Variants in DNAAF5 observed in about 807,000 individuals in gnomAD.
DNAAF5 encodes the protein HEAT repeat containing 2.
Under a neutral mutation model 75.8 loss-of-function variants are expected in DNAAF5, and 64 were observed. The ratio of observed to expected loss-of-function variants is 0.84; its 90% CI spans 0.69 to 1.04. The LOEUF is 1.04. DNAAF5 is among the 50% of genes least tolerant of loss of function. The pLI, the probability that DNAAF5 is intolerant of heterozygous loss-of-function variation, is 0.00. For missense variants in DNAAF5, 1,269 were observed against 1,178.5 expected (o/e 1.08, Z -1.12); for synonymous variants, 657 against 557.2 (o/e 1.18, Z -2.52).
At position 729,829 on chromosome 7, in the gene DNAAF5, G is replaced by A. The variant is rs1781507598; in HGVS notation, c.762G>A (p.Leu254=). The A allele has an allele frequency of 6.2e-7, 1 of 1,614,200 alleles. No homozygotes were observed. The highest frequency in any genetic ancestry group is 8.5e-7 in the Non-Finnish European group (1 of 1,180,030). ...DDVLSHFAQR[L]FDDVPQVRRA... The stretch of plus-strand genomic sequence containing the variant: ...TGCTTTCCCATTTTGCTCAGCGACT[G>A]TTTGATGACGTCCCGCAGGTAACTG... The change falls in exon 2 of 13, where the codon CTG becomes CTA. Residue 254 remains leucine, a synonymous_variant. Transcript: ENST00000297440.
intron 11 of DNAAF5, among the ~76,000 whole-genome samples, chr7:779,525 C>G (rs1353446585): frequency 5.3e-5 from 8 of 152,226 alleles, no homozygotes; most frequent in Admixed American, 5.2e-4. Flanking sequence ...AGGGGGTTGT[C>G]TGTCACTGAG....
intron 12 of DNAAF5, among the ~76,000 whole-genome samples, chr7:784,478 A>G (rs1267234566): frequency 6.6e-6 from 1 of 152,114 alleles, no homozygotes; most frequent in Non-Finnish European, 1.5e-5. Context: ...AGAATCTGAT[A>G]GACTCCCCAG....
chr7:742,852 A>G (rs954603720), intron 4 of DNAAF5, among the ~76,000 whole-genome samples: 3 of 31,424 alleles, frequency 9.5e-5, no homozygotes, highest in African/African-American at 1.9e-4. Context: ...GCTCAAATCA[A>G]TCATGCCCAG....
At chr7:752,002 G>A (rs1244937462) in intron 4 of DNAAF5, among the ~76,000 whole-genome samples, 1 of 152,212 alleles carries the variant, frequency 6.6e-6, no homozygotes, top group African/African-American at 2.4e-5. Flanking sequence ...GGGGAGGAGT[G>A]AAGCTGAATG....
At chr7:764,000 C>T (rs376930252) in intron 8 of DNAAF5, 26 bp downstream of exon 8, 45 of 1,597,710 alleles carry the variant, frequency 2.8e-5, no homozygotes, top group Non-Finnish European at 3.6e-5. Context: ...AGCTGGCGTG[C>T]CGTGCCTGGC....
intron 4 of DNAAF5, among the ~76,000 whole-genome samples, chr7:752,594 A>G (rs76286785): frequency 7.2e-3 from 507 of 70,716 alleles, no homozygotes; most frequent in Middle Eastern, 0.029. Flanking sequence ...ACCGCGGGCC[A>G]GGCCACGCTT....
In DNAAF5 at chr7:761,762, C is replaced by T. The variant is rs1227078138; in HGVS notation, c.1480C>T (p.Leu494=). ...ICQASENDLY[L]ERLLLCVQAL... ...TGCCGGTCTCTTCCAGGACCTCTACCTGGAGCGCCTGCTGCTGTGTGTGCA... is the reference window on the plus strand; with the variant it reads ...TGCCGGTCTCTTCCAGGACCTCTACTTGGAGCGCCTGCTGCTGTGTGTGCA... The change falls in exon 7 of 13, where the codon CTG becomes TTG. Residue 494 remains leucine (L), a synonymous_variant. Transcript: ENST00000297440. 7 of 1,604,576 alleles carry T rather than the reference C, an allele frequency of 4.4e-6. No individual in the cohort carries two copies. In the Admixed American group the frequency reaches 1.2e-4, roughly 27 times the overall value.
chr7:733,882 T>C (rs1201618768), intron 2 of DNAAF5, among the ~76,000 whole-genome samples: 1 of 152,208 alleles, frequency 6.6e-6, no homozygotes, highest in African/African-American at 2.4e-5. Context: ...GTAAATGGAA[T>C]TACTTTCTTG....
intron 4 of DNAAF5, among the ~76,000 whole-genome samples, chr7:744,408 C>A (rs565516481): frequency 6.6e-6 from 1 of 152,222 alleles, no homozygotes; most frequent in South Asian, 2.1e-4. Flanking sequence ...ATACATGTGC[C>A]TGTGTCTTTA....
Position 740,806 on chromosome 7 carries a change from CTCTCAT to C in DNAAF5, c.781-12_781-7del. On this transcript the variant is annotated splice_polypyrimidine_tract_variant and splice_region_variant and intron_variant, in intron 2 of 12. Coordinates refer to ENST00000297440, the MANE Select transcript of DNAAF5 (RefSeq NM_017802.4). ...TGCCTACACGAATCCTTATCCCTTC[CTCTCAT>C]GCGCAGGTCCGGCGGGCGGTGGCCT... The C allele has an allele frequency of 6.2e-7, 1 of 1,613,210 alleles. No individual in the cohort carries two copies. The highest frequency in any genetic ancestry group is 8.5e-7 in the Non-Finnish European group (1 of 1,179,994).
intron 11 of DNAAF5, chr7:778,076 C>G (rs1486471943): frequency 1.3e-5 from 2 of 152,154 alleles, no homozygotes; most frequent in South Asian, 2.1e-4. Flanking sequence ...CTGCTGAACT[C>G]TGAGGTCCGG....
At chr7:761,921 G>A (rs1008912596) in intron 7 of DNAAF5, 25 bp downstream of exon 7, 13 of 1,554,004 alleles carry the variant, frequency 8.4e-6, no homozygotes, top group Non-Finnish European at 1.1e-5. Context: ...GGTGGCTGCT[G>A]CTTGACCTAG....
Position 740,901 on chromosome 7 carries a change from C to A in DNAAF5, c.863C>A (p.Pro288His). 6.2e-7 allele frequency: 1 copy of A among 1,613,998 alleles called. No individual in the cohort carries two copies. Among genetic ancestry groups the A allele is most frequent in the South Asian group, 1.1e-5 (1 of 91,090 alleles). The stretch of plus-strand genomic sequence containing the variant: ...TACTCCTTCTTCCACAAGCTCATCC[C>A]TCTGCTGCTCAGTAGCCTCAACGAC... ...DRYSFFHKLIPLLLSSLNDEV... is the reference protein window; with the variant it reads ...DRYSFFHKLIHLLLSSLNDEV... Residue 288 changes from proline (P) to histidine (H), a missense_variant, in exon 3 of 13, where the codon CCT becomes CAT. Pro to His is a moderately conservative substitution (Grantham distance 77). Transcript: ENST00000297440.
intron 6 of DNAAF5, among the ~76,000 whole-genome samples, chr7:759,767 G>C (rs1178557236): frequency 6.6e-6 from 1 of 152,158 alleles, no homozygotes; most frequent in African/African-American, 2.4e-5. Flanking sequence ...TTGCTGCAAA[G>C]GATGCCTGAT....
chr7:780,086 C>T lies in DNAAF5; in HGVS notation c.2373C>T (p.Tyr791=), dbSNP rs748126716. The change falls in exon 12 of 13, where the codon TAC becomes TAT. Residue 791 remains tyrosine (Y), a synonymous_variant. Transcript: ENST00000297440. The part of the protein sequence containing the change: ...SYYQSSVQYL[Y]RELLVHLDDP... ...ATCAGAGCAGTGTCCAGTACCTGTA[C>T]CGAGAGTTGCTGGTTCACCTTGACG... 9.9e-6 allele frequency: 16 copies of T among 1,614,100 alleles called. No homozygotes were observed. The highest frequency in any genetic ancestry group is 6.7e-5 in the Admixed American group (4 of 60,006).
At chr7:731,934 C>A (rs1781599237) in intron 2 of DNAAF5, among the ~76,000 whole-genome samples, 1 of 152,170 alleles carries the variant, frequency 6.6e-6, no homozygotes, top group Non-Finnish European at 1.5e-5. Flanking sequence ...CTCAACAACC[C>A]AGGGACTGGT....
chr7:759,734 C>T (rs73036227), intron 6 of DNAAF5, among the ~76,000 whole-genome samples: 21,801 of 152,132 alleles, frequency 0.14, 2,135 homozygotes, highest in Middle Eastern at 0.26. Flanking sequence ...GACGGTGCTG[C>T]GTTCGTGGCA....
intron 2 of DNAAF5, among the ~76,000 whole-genome samples, chr7:739,104 C>CAGGCTTTG (rs1562377092): frequency 9.2e-4 from 50 of 54,582 alleles, no homozygotes; most frequent in Admixed American, 2.0e-3. Context: ...GCCCTCTGCC[C>CAGGCTTTG]CATCACTGTA....
Position 779,540 on chromosome 7 carries a change from C to T in DNAAF5, c.2240-413C>T, listed in dbSNP as rs140061935. Among the ~76,000 whole-genome samples the T allele has an allele frequency of 3.7e-3, 571 of 152,310 alleles. 6 individuals carry two copies. The highest frequency in any genetic ancestry group is 9.2e-3 in the African/African-American group (382 of 41,566). On this transcript the variant is annotated intron_variant, in intron 11 of 12. Transcript: ENST00000297440. The stretch of plus-strand genomic sequence containing the variant: ...AGGGGGTTGTCTGTCACTGAGTCCT[C>T]AGCTCTGGTGGGAGGGCAGGGTCAG...
Sources: gnomAD v4.1 joint callset for allele counts (sites outside exome capture counted in the v4.1 genomes callset) on GRCh38, gnomAD v4.1.1 for gene constraint, MANE v1.5 for transcripts, NCBI Gene and HGNC (gene_info 2026-07-23, HGNC 2026-07-21) for gene names.